CPNE4: variants seen among roughly 807,000 people sequenced by gnomAD.
CPNE4 encodes the protein copine 4.
Under a neutral mutation model 67.9 loss-of-function variants are expected in CPNE4, and 25 were observed. That is an observed-to-expected ratio of 0.37 (90% CI 0.27 to 0.51). The LOEUF is 0.51. Ranked by LOEUF, CPNE4 falls within the 20% of genes least tolerant of loss-of-function variation. The pLI is 0.93. For synonymous variants in CPNE4, 242 were observed against 244.9 expected (o/e 0.99, Z 0.11); for missense variants, 464 against 690.8 (o/e 0.67, Z 3.68).
intron 3 of CPNE4, among the ~76,000 whole-genome samples, chr3:131,709,226 G>C (rs1397822464): frequency 1.3e-5 from 2 of 151,710 alleles, no homozygotes; most frequent in East Asian, 3.9e-4. Flanking sequence ...TTTGCATACA[G>C]AAAAACAATA....
chr3:131,969,595 A>G (rs1452138645), intron 1 of CPNE4, among the ~76,000 whole-genome samples: 5 of 152,156 alleles, frequency 3.3e-5, no homozygotes, highest in African/African-American at 1.2e-4. Flanking sequence ...TCACTGACTA[A>G]GAACAGTGCT....
intron 1 of CPNE4, among the ~76,000 whole-genome samples, chr3:131,970,923 G>C (rs1046841174): frequency 7.9e-5 from 12 of 152,154 alleles, no homozygotes; most frequent in African/African-American, 2.9e-4. Flanking sequence ...AAACGTAGTG[G>C]GTTAAAACAA....
At chr3:131,952,256 A>C (rs1164279420) in intron 1 of CPNE4, among the ~76,000 whole-genome samples, 2 of 140,714 alleles carry the variant, frequency 1.4e-5, no homozygotes, top group African/African-American at 5.3e-5. Flanking sequence ...CCGGCCGCGA[A>C]CCCGTATGGG....
intron 2 of CPNE4, among the ~76,000 whole-genome samples, chr3:131,786,374 G>A (rs1030275704): frequency 2.6e-5 from 4 of 152,118 alleles, no homozygotes; most frequent in African/African-American, 4.8e-5. Flanking sequence ...CTTATTAGAA[G>A]TGAAACATAC....
rs771481959 is a variant in CPNE4 at position 131,725,956 on chromosome 3, C to G, written c.181-2331G>C. 4.2e-4 allele frequency among the ~76,000 whole-genome samples: 64 copies of G among 152,140 alleles called. 1 individual carries two copies. The highest frequency in any genetic ancestry group is 7.9e-4 in the Non-Finnish European group (54 of 68,036). On this transcript the variant is annotated intron_variant, in intron 2 of 15. Transcript: ENST00000429747. ...GCCCCTAGAGGCATTTTTGCAACAT[C>G]TGGTCCAAATTCATGAAATAATGAG...
At chr3:131,684,694 T>C (rs1191796526) in intron 6 of CPNE4, among the ~76,000 whole-genome samples, 1 of 152,206 alleles carries the variant, frequency 6.6e-6, no homozygotes, top group African/African-American at 2.4e-5. Context: ...ATTTTCACTC[T>C]GCAAATGGTA....
intron 7 of CPNE4, among the ~76,000 whole-genome samples, chr3:131,664,570 T>C (rs1269712359): frequency 6.6e-6 from 1 of 152,196 alleles, no homozygotes; most frequent in Non-Finnish European, 1.5e-5. Context: ...TAAATCATTC[T>C]GGTTGAAAAG....
intron 1 of CPNE4, among the ~76,000 whole-genome samples, chr3:131,977,514 A>T (rs747411172): frequency 2.6e-5 from 4 of 152,078 alleles, no homozygotes; most frequent in Non-Finnish European, 5.9e-5. Context: ...TCACCCAAAA[A>T]AGAAACTATC....
intron 1 of CPNE4, among the ~76,000 whole-genome samples, chr3:132,022,935 G>A (rs541794108): frequency 6.6e-6 from 1 of 152,118 alleles, no homozygotes; most frequent in African/African-American, 2.4e-5. Flanking sequence ...ATTGATCACC[G>A]ATTGAGAACC....
At chr3:131,897,853 C>T (rs989163758) in intron 2 of CPNE4, among the ~76,000 whole-genome samples, 2 of 151,898 alleles carry the variant, frequency 1.3e-5, no homozygotes, top group Admixed American at 1.3e-4. Flanking sequence ...GATTGCACCA[C>T]TGCACTCCAA....
chr3:131,671,313 G>T (rs1004783926), intron 6 of CPNE4, among the ~76,000 whole-genome samples: 1 of 152,052 alleles, frequency 6.6e-6, no homozygotes, highest in South Asian at 2.1e-4. Flanking sequence ...GTAAAAAATT[G>T]TTTGGGTTAA....
At chr3:131,758,513 T>C (rs896345760) in intron 2 of CPNE4, among the ~76,000 whole-genome samples, 5 of 152,200 alleles carry the variant, frequency 3.3e-5, no homozygotes, top group Non-Finnish European at 5.9e-5. Flanking sequence ...TACAGGCTCA[T>C]AGGCGGAAGG....
At chr3:131,946,917 T>A (rs934088354) in intron 1 of CPNE4, among the ~76,000 whole-genome samples, 2 of 152,228 alleles carry the variant, frequency 1.3e-5, no homozygotes, top group African/African-American at 4.8e-5. Flanking sequence ...TACTTTTGTA[T>A]GTAGATATCC....
chr3:131,939,134 TA>T (rs1460134187), intron 1 of CPNE4, among the ~76,000 whole-genome samples: 1 of 152,156 alleles, frequency 6.6e-6, no homozygotes, highest in Non-Finnish European at 1.5e-5. Context: ...TCTACTTCTC[TA>T]AACCTATGTA....
intron 1 of CPNE4, among the ~76,000 whole-genome samples, chr3:131,990,691 C>T (rs1198702197): frequency 1.5e-5 from 2 of 135,820 alleles, no homozygotes; most frequent in Non-Finnish European, 3.3e-5. Flanking sequence ...TTGGAATAAT[C>T]GTTGGTGTCC....
In CPNE4 at chr3:131,555,568, G is replaced by T. The variant is rs1358595781; in HGVS notation, c.1062-17C>A. On this transcript the variant is annotated splice_polypyrimidine_tract_variant and intron_variant, in intron 11 of 15. Transcript: ENST00000429747. ...ATTTTGTCACTGAAACCAAAATGAA[G>T]AAAAGAAAAAACAAGAAGTTGCTTC... The T allele has an allele frequency of 6.2e-7, 1 of 1,609,488 alleles. No homozygotes were observed. Among genetic ancestry groups the T allele is most frequent in the African/African-American group, 1.3e-5 (1 of 74,782 alleles).
At chr3:131,784,615 G>T (rs1463731243) in intron 2 of CPNE4, among the ~76,000 whole-genome samples, 5 of 152,116 alleles carry the variant, frequency 3.3e-5, no homozygotes, top group African/African-American at 1.2e-4. Context: ...ATTCTGAGGT[G>T]CATTCTACAT....
intron 1 of CPNE4, among the ~76,000 whole-genome samples, chr3:131,911,033 T>C (rs1188896730): frequency 2.6e-5 from 4 of 152,152 alleles, no homozygotes; most frequent in African/African-American, 9.7e-5. Context: ...ATGCCCCGTA[T>C]ACCACCCTCA....
intron 1 of CPNE4, among the ~76,000 whole-genome samples, chr3:131,926,210 C>T (rs1002887145): frequency 2.0e-5 from 3 of 151,902 alleles, no homozygotes; most frequent in Admixed American, 6.6e-5. Context: ...GTGAGAAACC[C>T]CAAGGTGATG....
Sources: gnomAD v4.1 joint callset for allele counts (sites outside exome capture counted in the v4.1 genomes callset) on GRCh38, gnomAD v4.1.1 for gene constraint, MANE v1.5 for transcripts, NCBI Gene and HGNC (gene_info 2026-07-23, HGNC 2026-07-21) for gene names.